Variants in YTHDC1 observed in about 807,000 individuals in gnomAD.
The protein encoded by YTHDC1 is YTH domain-containing protein 1.
YTHDC1 carries 12 observed loss-of-function variants against 107.0 expected under a neutral mutation model. The observed-to-expected ratio is 0.11, with a 90% confidence interval of 0.07 to 0.18. The LOEUF (loss-of-function observed/expected upper bound fraction) is 0.18. YTHDC1 is among the 10% of genes least tolerant of loss of function. YTHDC1 has a pLI of 1.00. For synonymous variants in YTHDC1, 280 were observed against 289.5 expected (o/e 0.97, Z 0.33); for missense variants, 635 against 898.8 (o/e 0.71, Z 3.75).
At chr4:68,341,451 T>C (rs1210076497) in intron 1 of YTHDC1, among the ~76,000 whole-genome samples, 1 of 152,166 alleles carries the variant, frequency 6.6e-6, no homozygotes, top group Non-Finnish European at 1.5e-5. Flanking sequence ...ATCCGTATTA[T>C]AGTCCATAAC....
intron 1 of YTHDC1, among the ~76,000 whole-genome samples, chr4:68,338,676 C>T (rs1724492415): frequency 6.6e-6 from 1 of 152,166 alleles, no homozygotes; most frequent in Admixed American, 6.5e-5. Flanking sequence ...CATGGCAAAA[C>T]CCTGCTCTGC....
rs751948070 is a variant in YTHDC1, at chr4:68,314,248, G to A, written c.2035C>T (p.Arg679Cys). 4.3e-6 allele frequency: 7 copies of A among 1,613,816 alleles called. No individual in the cohort carries two copies. Among genetic ancestry groups the A allele is most frequent in the East Asian group, 2.2e-5 (1 of 44,854 alleles). The change falls in exon 17 of 17, where the codon CGT becomes TGT. Residue 679 changes from arginine to cysteine, a missense_variant. By Grantham distance (180) the Arg-to-Cys change is radical. Transcript: ENST00000344157. ...CGCTCTCGTTCCCGGTCTCTTTCAC[G>A]GGGTCTACTTCTCCGGCCACTGACA... ...AVVSGRRSRP[R>C]ERDRERERDR...
intron 1 of YTHDC1, among the ~76,000 whole-genome samples, chr4:68,346,452 T>C (rs1725452921): frequency 6.6e-6 from 1 of 152,146 alleles, no homozygotes; most frequent in Non-Finnish European, 1.5e-5. Context: ...TGAGGGTTTG[T>C]TACCCCCAGT....
intron 1 of YTHDC1, among the ~76,000 whole-genome samples, chr4:68,349,441 A>C (rs1425098610): frequency 1.3e-5 from 2 of 152,296 alleles, no homozygotes; most frequent in Middle Eastern, 3.4e-3. Flanking sequence ...CAACTCAGAA[A>C]GGGCCCCTCT....
Position 68,338,267 on chromosome 4 carries a change from T to C in YTHDC1, c.130+16A>G, listed in dbSNP as rs12499172. 18,419 of 1,574,948 alleles carry C rather than the reference T, an allele frequency of 0.012. 1,753 individuals carry two copies. In the Admixed American group the frequency reaches 0.22, roughly 19 times the overall value. On this transcript the variant is annotated intron_variant, in intron 2 of 16. Transcript: ENST00000344157. ...TATACTGTTATTTCAACAAAAATAA[T>C]AGAACTCTTACATACCCTTTTTCTC...
intron 1 of YTHDC1, among the ~76,000 whole-genome samples, chr4:68,347,508 T>C (rs1439541515): frequency 6.6e-6 from 1 of 152,186 alleles, no homozygotes; most frequent in Admixed American, 6.5e-5. Flanking sequence ...TTATAGAAAT[T>C]CATGTCTTTA....
At chr4:68,331,321 G>A (rs1315703303) in intron 7 of YTHDC1, among the ~76,000 whole-genome samples, 1 of 152,062 alleles carries the variant, frequency 6.6e-6, no homozygotes, top group African/African-American at 2.4e-5. Flanking sequence ...ATCCACTTAA[G>A]CTAGAGAACA....
chr4:68,334,960 G>A (rs1033148346), intron 4 of YTHDC1, among the ~76,000 whole-genome samples: 1 of 152,150 alleles, frequency 6.6e-6, no homozygotes, highest in African/African-American at 2.4e-5. Flanking sequence ...TTTATATAAT[G>A]CTAAACCTAG....
intron 1 of YTHDC1, among the ~76,000 whole-genome samples, chr4:68,340,451 A>G (rs1724688520): frequency 6.6e-6 from 1 of 152,098 alleles, no homozygotes; most frequent in South Asian, 2.1e-4. Context: ...TAAAATCAAG[A>G]TATGTCAAAC....
In YTHDC1 at chr4:68,333,424, A is replaced by T. The variant is rs370659898; in HGVS notation, c.884-27T>A. The T allele has an allele frequency of 4.7e-4, 671 of 1,424,482 alleles. 5 individuals are homozygous for T. The African/African-American group carries it at 8.7e-3, about 19-fold the overall frequency. 88.2% of individuals were successfully genotyped at this position (1,424,482 alleles called of 1,614,324 possible). ...TAAAAAGAACAAGAGTTTTTTTTTT[A>T]AATCACAATACAGAAACGAAGAGAA... On this transcript the variant is annotated intron_variant, in intron 4 of 16. Transcript: ENST00000344157.
intron 11 of YTHDC1, among the ~76,000 whole-genome samples, chr4:68,321,538 T>C (rs1578026386): frequency 6.6e-6 from 1 of 152,176 alleles, no homozygotes; most frequent in Admixed American, 6.5e-5. Context: ...TAGTTTGCAG[T>C]CCATTGCAAA....
At chr4:68,347,989 TTAAA>T (rs1444970123) in intron 1 of YTHDC1, among the ~76,000 whole-genome samples, 1 of 152,028 alleles carries the variant, frequency 6.6e-6, no homozygotes. Context: ...GTTATGAAAA[TTAAA>T]TAAAAAAAAC....
intron 11 of YTHDC1, among the ~76,000 whole-genome samples, chr4:68,321,059 C>T (rs951301484): frequency 3.3e-5 from 5 of 151,884 alleles, no homozygotes; most frequent in Admixed American, 1.3e-4. Flanking sequence ...GTTAACTTAA[C>T]ACATCATTAA....
At chr4:68,315,459 C>T (rs781527849) in intron 16 of YTHDC1, among the ~76,000 whole-genome samples, 4 of 152,160 alleles carry the variant, frequency 2.6e-5, no homozygotes, top group Non-Finnish European at 5.9e-5. Context: ...CCCATACAGA[C>T]TCATCAACCT....
Position 68,312,566 on chromosome 4 carries a change from T to C in YTHDC1, c.*1533A>G, listed in dbSNP as rs1721388222. The C allele has an allele frequency of 6.6e-6, 1 of 152,228 alleles. No individual in the cohort carries two copies. The highest frequency in any genetic ancestry group is 1.5e-5 in the Non-Finnish European group (1 of 68,034). 9.4% of individuals were successfully genotyped at this position (152,228 alleles called of 1,614,324 possible). ...GCAGATTTAAAACAAATCCTCAGGC[T>C]TTAGTTTTGTCATTGTAAATAAAAC... On this transcript the variant is annotated 3_prime_UTR_variant, in exon 17 of 17. Transcript: ENST00000344157.
chr4:68,347,993 A>C (rs11726194), intron 1 of YTHDC1, among the ~76,000 whole-genome samples: 77,915 of 152,008 alleles, frequency 0.51, 20,197 homozygotes, highest in South Asian at 0.62. Context: ...TGAAAATTAA[A>C]TAAAAAAAAC....
At chr4:68,316,093 A>T (rs532598210) in intron 16 of YTHDC1, 80 of 415,962 alleles carry the variant, frequency 1.9e-4, no homozygotes, top group African/African-American at 1.3e-3. Context: ...CGTTTGCCTT[A>T]AGCAGTTTGT....
In YTHDC1 at chr4:68,333,534, A is replaced by G. The variant is rs1395095392; in HGVS notation, c.884-137T>C. On this transcript the variant is annotated intron_variant, in intron 4 of 16. Transcript: ENST00000344157. Reference sequence around the variant, plus strand: ...TGTGCTCCTCTCTCCTGATCCCTCAATTTCCTCAGAATGTTTTATTTTAAA... The same window carrying G: ...TGTGCTCCTCTCTCCTGATCCCTCAGTTTCCTCAGAATGTTTTATTTTAAA... 34 of 540,236 alleles carry G rather than the reference A, an allele frequency of 6.3e-5. No homozygotes were observed. The East Asian group carries it at 9.3e-4, about 15-fold the overall frequency. The allele number at this position is 540,236 out of a possible 1,614,324, so 33.5% of individuals were successfully genotyped here.
At chr4:68,325,208 G>T (rs1341911393) in intron 9 of YTHDC1, among the ~76,000 whole-genome samples, 1 of 151,976 alleles carries the variant, frequency 6.6e-6, no homozygotes, top group Non-Finnish European at 1.5e-5. Flanking sequence ...CATAGCCATC[G>T]AAGAAAAATA....
Sources: allele counts gnomAD v4.1 joint callset (sites outside exome capture counted in the v4.1 genomes callset), GRCh38; gene constraint gnomAD v4.1.1; transcripts MANE v1.5; gene names NCBI Gene and HGNC (gene_info 2026-07-23, HGNC 2026-07-21).